SLC35F4: variants seen among roughly 807,000 people sequenced by gnomAD.
SLC35F4 encodes the protein solute carrier family 35 member F4, also known as chromosome 14 open reading frame 36.
In SLC35F4, 24 loss-of-function variants were observed where a neutral mutation model predicts 44.2. The observed-to-expected ratio is 0.54, with a 90% CI of 0.39 to 0.76. The LOEUF is 0.76. SLC35F4 is among the 30% of genes least tolerant of loss of function. The pLI is 0.00. For missense variants in SLC35F4, 562 were observed against 586.1 expected (o/e 0.96, Z 0.42); for synonymous variants, 238 against 223.6 (o/e 1.06, Z -0.57).
chr14:57,659,197 A>G (rs1271558312), intron 1 of SLC35F4, among the ~76,000 whole-genome samples: 1 of 152,194 alleles, frequency 6.6e-6, no homozygotes, highest in Admixed American at 6.5e-5. Flanking sequence ...GGTTTCCAGG[A>G]CAGCAAAGAC....
chr14:57,963,922 CA>C (rs1168959402), intron 1 of SLC35F4, among the ~76,000 whole-genome samples: 10 of 151,842 alleles, frequency 6.6e-5, no homozygotes, highest in African/African-American at 2.2e-4. Flanking sequence ...GGGGTCTCGT[CA>C]TCTTGCCCAG....
intron 1 of SLC35F4, among the ~76,000 whole-genome samples, chr14:57,668,362 T>C (rs1213897040): frequency 6.6e-6 from 1 of 151,928 alleles, no homozygotes; most frequent in African/African-American, 2.4e-5. Flanking sequence ...ATTTTGTCTT[T>C]TGTTGCCATT....
chr14:57,629,594 A>G (rs1403003869), intron 1 of SLC35F4, among the ~76,000 whole-genome samples: 1 of 152,170 alleles, frequency 6.6e-6, no homozygotes, highest in African/African-American at 2.4e-5. Context: ...GTTGTGCCAT[A>G]TAGAAACTTC....
intron 2 of SLC35F4, among the ~76,000 whole-genome samples, chr14:57,591,611 C>T (rs1030578094): frequency 2.0e-5 from 3 of 152,228 alleles, no homozygotes; most frequent in Non-Finnish European, 4.4e-5. Flanking sequence ...TTGAACCCAA[C>T]TGAATCAGTA....
chr14:57,962,587 C>T (rs1890359036), intron 1 of SLC35F4, among the ~76,000 whole-genome samples: 1 of 152,216 alleles, frequency 6.6e-6, no homozygotes, highest in South Asian at 2.1e-4. Context: ...CAAAGCACAA[C>T]CTGCACGATC....
intron 1 of SLC35F4, among the ~76,000 whole-genome samples, chr14:57,688,220 G>A (rs1053650780): frequency 5.9e-5 from 9 of 152,026 alleles, no homozygotes; most frequent in African/African-American, 1.9e-4. Context: ...GACAGACAGA[G>A]ACTGAGAGAT....
chr14:57,886,017 T>A (rs1276267131), intron 1 of SLC35F4, among the ~76,000 whole-genome samples: 1 of 152,220 alleles, frequency 6.6e-6, no homozygotes, highest in Non-Finnish European at 1.5e-5. Flanking sequence ...TATTGCAGAC[T>A]GAATGACTAT....
chr14:57,656,376 T>TACAC (rs3054456), intron 1 of SLC35F4, among the ~76,000 whole-genome samples: 53 of 74,050 alleles, frequency 7.2e-4, no homozygotes, highest in South Asian at 6.2e-3. Flanking sequence ...TATATATATA[T>TACAC]ACACACACAC....
Position 57,963,571 on chromosome 14 carries a change from G to A in SLC35F4, n.282+18342C>T, listed in dbSNP as rs1352451986. ...AAATGAACCATCTGACTTTCGTGGAGTCGGTCAGCCTATCAGTAGTCAGTG... is the reference window on the plus strand; with the variant it reads ...AAATGAACCATCTGACTTTCGTGGAATCGGTCAGCCTATCAGTAGTCAGTG... On this transcript the variant is annotated intron_variant and non_coding_transcript_variant, in intron 1 of 1. Transcript: ENST00000556568. Among the ~76,000 whole-genome samples, 13 of 152,278 alleles carry A rather than the reference G, an allele frequency of 8.5e-5. No homozygotes were observed. The East Asian group carries it at 2.5e-3, about 29-fold the overall frequency.
rs118158406 is a variant in SLC35F4, at chr14:57,943,244, C to T, written n.282+38669G>A. ...CACAGAATTGGCAAGATTAAAGACA[C>T]CATGGGACACAGCTAAGTTTCTCTT... On this transcript the variant is annotated intron_variant and non_coding_transcript_variant, in intron 1 of 1. Transcript: ENST00000556568. 3.2e-3 allele frequency among the ~76,000 whole-genome samples: 482 copies of T among 152,314 alleles called. 1 individual carries two copies. The highest frequency in any genetic ancestry group is 0.01 in the Middle Eastern group (3 of 294).
chr14:57,844,397 C>T (rs1186255708), intron 1 of SLC35F4, among the ~76,000 whole-genome samples: 1 of 152,318 alleles, frequency 6.6e-6, no homozygotes, highest in East Asian at 1.9e-4. Flanking sequence ...CAATGCTGGA[C>T]TTCTGTTTCT....
intron 1 of SLC35F4, among the ~76,000 whole-genome samples, chr14:57,695,336 C>G (rs958388714): frequency 6.6e-6 from 1 of 151,504 alleles, no homozygotes; most frequent in African/African-American, 2.4e-5. Flanking sequence ...AAAAAACAAA[C>G]AACCCCATCA....
intron 3 of SLC35F4, among the ~76,000 whole-genome samples, chr14:57,583,794 A>G (rs1014650766): frequency 6.6e-6 from 1 of 152,168 alleles, no homozygotes; most frequent in Non-Finnish European, 1.5e-5. Flanking sequence ...ATCCCATACT[A>G]TTTAAGCATT....
At chr14:57,971,847 C>T (rs1224107805), downstream of SLC35F4, among the ~76,000 whole-genome samples, 4 of 152,152 alleles carry the variant, frequency 2.6e-5, no homozygotes, top group Admixed American at 1.3e-4. Context: ...TAATGCTGTA[C>T]TGTCTACTTC....
intron 1 of SLC35F4, among the ~76,000 whole-genome samples, chr14:57,688,619 A>G (rs1190158115): frequency 6.6e-6 from 1 of 152,190 alleles, no homozygotes; most frequent in African/African-American, 2.4e-5. Flanking sequence ...TGTTTTCTTT[A>G]TAATGAAGTT....
chr14:57,669,379 T>G (rs1215108706), intron 1 of SLC35F4, among the ~76,000 whole-genome samples: 2 of 151,884 alleles, frequency 1.3e-5, no homozygotes. Context: ...TGAATAGGAG[T>G]GGTGAGAGAG....
intron 1 of SLC35F4, among the ~76,000 whole-genome samples, chr14:57,883,218 T>G (rs1888577547): frequency 6.6e-6 from 1 of 152,184 alleles, no homozygotes; most frequent in Admixed American, 6.5e-5. Flanking sequence ...AATAAATGTT[T>G]GTAGTTGCAT....
At chr14:57,886,891 G>C (rs536456153) in intron 1 of SLC35F4, among the ~76,000 whole-genome samples, 1 of 152,300 alleles carries the variant, frequency 6.6e-6, no homozygotes, top group African/African-American at 2.4e-5. Context: ...GAAGGAAAGA[G>C]AAAGCATCCC....
At chr14:57,859,040 G>C (rs1475158064) in intron 1 of SLC35F4, among the ~76,000 whole-genome samples, 1 of 152,012 alleles carries the variant, frequency 6.6e-6, no homozygotes, top group African/African-American at 2.4e-5. Context: ...AGGAGTTTAA[G>C]GCTGCAGTAA....
Sources: gnomAD v4.1 joint callset for allele counts (sites outside exome capture counted in the v4.1 genomes callset) on GRCh38, gnomAD v4.1.1 for gene constraint, MANE v1.5 for transcripts, NCBI Gene and HGNC (gene_info 2026-07-23, HGNC 2026-07-21) for gene names.